The following CADM2 variants were observed in gnomAD, a reference collection of about 807,000 sequenced individuals.
CADM2 encodes cell adhesion molecule 2, also known as immunoglobulin superfamily member 4D.
Under a neutral mutation model 49.8 loss-of-function variants are expected in CADM2, and 12 were observed. That is an observed-to-expected ratio of 0.24 (90% CI 0.15 to 0.39). The LOEUF is 0.39. Among genes scored for constraint, CADM2 ranks in the 10% least tolerant of loss-of-function variants. The probability of loss-of-function intolerance (pLI) is 1.00; values close to 1 mark genes in which losing one functional copy is unlikely to be tolerated. For synonymous variants in CADM2, 214 were observed against 175.4 expected (o/e 1.22, Z -1.74); for missense variants, 378 against 492.3 (o/e 0.77, Z 2.20).
chr3:85,027,403 G>A (rs1176274653), intron 1 of CADM2, among the ~76,000 whole-genome samples: 2 of 151,650 alleles, frequency 1.3e-5, no homozygotes, highest in Non-Finnish European at 1.5e-5. Flanking sequence ...AAGCCACCGC[G>A]CCCAGCCTAT....
At chr3:85,482,874 T>C (rs2039270025) in intron 1 of CADM2, among the ~76,000 whole-genome samples, 1 of 151,594 alleles carries the variant, frequency 6.6e-6, no homozygotes, top group South Asian at 2.1e-4. Flanking sequence ...AGTTGATTTA[T>C]TAATAAAACT....
chr3:85,284,950 G>T (rs2043595287), intron 1 of CADM2, among the ~76,000 whole-genome samples: 1 of 152,100 alleles, frequency 6.6e-6, no homozygotes, highest in Non-Finnish European at 1.5e-5. Context: ...AGATCGATTG[G>T]TAGCCTACTG....
At chr3:85,911,440 T>C (rs970788289) in intron 5 of CADM2, among the ~76,000 whole-genome samples, 1 of 152,252 alleles carries the variant, frequency 6.6e-6, no homozygotes, top group Non-Finnish European at 1.5e-5. Flanking sequence ...TAGAAAGTAC[T>C]CTTGTTCATG....
intron 1 of CADM2, among the ~76,000 whole-genome samples, chr3:85,032,963 G>A (rs1218968868): frequency 6.6e-6 from 1 of 151,958 alleles, no homozygotes; most frequent in Non-Finnish European, 1.5e-5. Context: ...GAGATTTTCA[G>A]TAATATTCTC....
intron 1 of CADM2, among the ~76,000 whole-genome samples, chr3:85,194,245 G>A (rs1245624821): frequency 6.6e-6 from 1 of 152,118 alleles, no homozygotes; most frequent in Non-Finnish European, 1.5e-5. Flanking sequence ...CAGAGAGAGT[G>A]TGGGGCAGGA....
At chr3:85,370,681 T>A (rs2033164084) in intron 1 of CADM2, among the ~76,000 whole-genome samples, 1 of 152,192 alleles carries the variant, frequency 6.6e-6, no homozygotes. Flanking sequence ...CTTCTAATCA[T>A]TATTTTTGAA....
At chr3:85,693,741 A>AAAAG (rs2066462443) in intron 1 of CADM2, among the ~76,000 whole-genome samples, 1 of 148,130 alleles carries the variant, frequency 6.8e-6, no homozygotes, top group East Asian at 2.0e-4. Flanking sequence ...AAAAAAAAAA[A>AAAAG]AAAAATTAGC....
chr3:85,629,881 A>G (rs1014198730), intron 1 of CADM2, among the ~76,000 whole-genome samples: 6 of 152,022 alleles, frequency 3.9e-5, no homozygotes, highest in African/African-American at 1.4e-4. Context: ...TTTTTCATGT[A>G]TAAAATGAGA....
intron 1 of CADM2, among the ~76,000 whole-genome samples, chr3:85,297,683 C>T (rs1366907740): frequency 6.6e-6 from 1 of 152,034 alleles, no homozygotes; most frequent in Non-Finnish European, 1.5e-5. Flanking sequence ...TCTAACCCCA[C>T]AATCAGCCTG....
At chr3:85,825,189 C>T (rs2073836802) in intron 3 of CADM2, among the ~76,000 whole-genome samples, 2 of 151,858 alleles carry the variant, frequency 1.3e-5, no homozygotes, top group Admixed American at 1.3e-4. Flanking sequence ...GTACAATTAC[C>T]GTGAGAGTGT....
intron 1 of CADM2, among the ~76,000 whole-genome samples, chr3:85,280,251 C>T (rs2043467924): frequency 6.6e-6 from 1 of 151,604 alleles, no homozygotes; most frequent in Admixed American, 6.6e-5. Context: ...TCAACTTTCG[C>T]TTGTCTGAAA....
At chr3:85,236,629 G>C (rs1014273668) in intron 1 of CADM2, among the ~76,000 whole-genome samples, 4 of 152,050 alleles carry the variant, frequency 2.6e-5, no homozygotes, top group Non-Finnish European at 5.9e-5. Context: ...TTTTTATATA[G>C]TTCACATGAT....
chr3:85,259,000 T>C (rs1386823217), intron 1 of CADM2, among the ~76,000 whole-genome samples: 3 of 152,154 alleles, frequency 2.0e-5, no homozygotes, highest in African/African-American at 7.2e-5. Context: ...ATGGAAACTT[T>C]CTATTCAATG....
intron 1 of CADM2, among the ~76,000 whole-genome samples, chr3:85,711,122 T>C (rs1188824715): frequency 1.3e-5 from 2 of 152,170 alleles, no homozygotes; most frequent in African/African-American, 4.8e-5. Context: ...AAGTAGTTTT[T>C]TAAATTATGG....
At chr3:85,320,045 A>G (rs1300890636) in intron 1 of CADM2, among the ~76,000 whole-genome samples, 1 of 152,192 alleles carries the variant, frequency 6.6e-6, no homozygotes, top group African/African-American at 2.4e-5. Flanking sequence ...CCTCATGTTT[A>G]TATAACTAAA....
intron 1 of CADM2, among the ~76,000 whole-genome samples, chr3:85,057,054 C>T (rs1361591805): frequency 6.6e-6 from 1 of 152,120 alleles, no homozygotes; most frequent in African/African-American, 2.4e-5. Context: ...TGCAGATAAT[C>T]TCTCGAATTC....
At chr3:85,958,258 C>G (rs1459794144) in intron 7 of CADM2, among the ~76,000 whole-genome samples, 1 of 151,996 alleles carries the variant, frequency 6.6e-6, no homozygotes, top group Non-Finnish European at 1.5e-5. Flanking sequence ...TACCATCTCA[C>G]ACCAGTCAGA....
intron 1 of CADM2, among the ~76,000 whole-genome samples, chr3:85,031,191 C>T (rs1314451684): frequency 6.6e-6 from 1 of 152,190 alleles, no homozygotes. Flanking sequence ...ACCCAGAACT[C>T]ATTTCTTACT....
intron 7 of CADM2, among the ~76,000 whole-genome samples, chr3:85,948,798 C>G (rs1723048375): frequency 6.6e-6 from 1 of 151,570 alleles, no homozygotes; most frequent in South Asian, 2.1e-4. Flanking sequence ...TTACGAAAAC[C>G]TCCAATGTGA....
Sources: allele counts gnomAD v4.1 joint callset (sites outside exome capture counted in the v4.1 genomes callset), GRCh38; gene constraint gnomAD v4.1.1; transcripts MANE v1.5; gene names NCBI Gene and HGNC (gene_info 2026-07-23, HGNC 2026-07-21).